SCAI: variants seen among roughly 807,000 people sequenced by gnomAD.
SCAI encodes the protein protein SCAI.
In SCAI, 24 loss-of-function variants were observed where a neutral mutation model predicts 92.2. The observed-to-expected ratio is 0.26, with a 90% CI of 0.19 to 0.37. SCAI has a LOEUF of 0.37. Ranked by LOEUF, SCAI falls within the 10% of genes least tolerant of loss-of-function variation. The pLI is 1.00. For synonymous variants in SCAI, 261 were observed against 258.6 expected (o/e 1.01, Z -0.09); for missense variants, 450 against 736.2 (o/e 0.61, Z 4.50).
intron 14 of SCAI, among the ~76,000 whole-genome samples, chr9:124,984,355 G>A (rs562702365): frequency 6.6e-6 from 1 of 152,276 alleles, no homozygotes; most frequent in East Asian, 1.9e-4. Flanking sequence ...TGAGATGACA[G>A]GCCATTGGTG....
chr9:125,071,170 G>A (rs984901238), intron 2 of SCAI, among the ~76,000 whole-genome samples: 15 of 152,196 alleles, frequency 9.9e-5, no homozygotes, highest in Admixed American at 9.2e-4. Context: ...CCCAGTCTCA[G>A]GTGTGTCTTA....
At chr9:125,019,064 A>T (rs1446497271) in intron 8 of SCAI, 43 bp downstream of exon 8, 2 of 1,525,356 alleles carry the variant, frequency 1.3e-6, no homozygotes, top group African/African-American at 2.8e-5. Context: ...CTACACGGTC[A>T]TTTATTTATC....
intron 2 of SCAI, among the ~76,000 whole-genome samples, chr9:125,100,109 C>T (rs1448573904): frequency 6.6e-6 from 1 of 152,196 alleles, no homozygotes; most frequent in Non-Finnish European, 1.5e-5. Flanking sequence ...TAAGGAACTG[C>T]CATACTTTAA....
chr9:125,012,800 G>A (rs1319197791), intron 9 of SCAI, among the ~76,000 whole-genome samples: 2 of 152,188 alleles, frequency 1.3e-5, no homozygotes, highest in Non-Finnish European at 2.9e-5. Context: ...CTCAGCAAAC[G>A]TAAAAGATCA....
At chr9:125,115,788 G>A (rs1835033463) in intron 2 of SCAI, among the ~76,000 whole-genome samples, 1 of 152,102 alleles carries the variant, frequency 6.6e-6, no homozygotes, top group Non-Finnish European at 1.5e-5. Context: ...AGGGAAGGAG[G>A]CAAATGCCAT....
intron 3 of SCAI, among the ~76,000 whole-genome samples, chr9:125,053,658 A>G (rs1833607561): frequency 6.6e-6 from 1 of 152,182 alleles, no homozygotes. Flanking sequence ...AGGGGTTAGG[A>G]TTTGGAAGAA....
At chr9:125,095,400 T>C (rs755929388) in intron 2 of SCAI, among the ~76,000 whole-genome samples, 5 of 152,232 alleles carry the variant, frequency 3.3e-5, no homozygotes, top group Non-Finnish European at 7.3e-5. Flanking sequence ...TAACCTGTGA[T>C]AGTTAAGACA....
intron 15 of SCAI, among the ~76,000 whole-genome samples, chr9:124,973,984 T>G (rs1831708309): frequency 6.6e-6 from 1 of 152,208 alleles, no homozygotes; most frequent in African/African-American, 2.4e-5. Context: ...AGACATTATC[T>G]CATCCCCTTC....
intron 3 of SCAI, among the ~76,000 whole-genome samples, chr9:125,040,212 C>T (rs1833290547): frequency 6.6e-6 from 1 of 152,028 alleles, no homozygotes; most frequent in Non-Finnish European, 1.5e-5. Flanking sequence ...AATAAATTAG[C>T]CAAGTGTGGT....
At chr9:125,102,335 G>A (rs529750863) in intron 2 of SCAI, among the ~76,000 whole-genome samples, 3 of 152,132 alleles carry the variant, frequency 2.0e-5, no homozygotes, top group Admixed American at 6.5e-5. Context: ...GTTCATTACC[G>A]TTTCCCTACT....
chr9:125,134,501 A>G (rs1421690414), intron 2 of SCAI, among the ~76,000 whole-genome samples: 1 of 152,196 alleles, frequency 6.6e-6, no homozygotes, highest in Non-Finnish European at 1.5e-5. Context: ...CAACAACAAC[A>G]AAAGCCCCCA....
chr9:124,953,878 A>C (rs967113260), intron 17 of SCAI, among the ~76,000 whole-genome samples: 2 of 152,174 alleles, frequency 1.3e-5, no homozygotes, highest in African/African-American at 4.8e-5. Context: ...TACAAAAATA[A>C]ATTTTTTTTT....
intron 14 of SCAI, among the ~76,000 whole-genome samples, chr9:124,994,060 G>C (rs1832188537): frequency 6.9e-6 from 1 of 145,904 alleles, no homozygotes; most frequent in South Asian, 2.1e-4. Context: ...TTGAGACGGA[G>C]TTTTGCTCTT....
At chr9:124,961,599 G>C (rs1831436282) in intron 17 of SCAI, among the ~76,000 whole-genome samples, 1 of 149,068 alleles carries the variant, frequency 6.7e-6, no homozygotes, top group Non-Finnish European at 1.5e-5. Context: ...GCAGTGAGCA[G>C]TGATCACGCC....
chr9:125,063,111 A>C (rs1423766559), intron 2 of SCAI, among the ~76,000 whole-genome samples: 1 of 123,788 alleles, frequency 8.1e-6, no homozygotes, highest in African/African-American at 2.9e-5. Flanking sequence ...CACCCCCCCC[A>C]GAAAAGGGCA....
At chr9:125,088,048 A>G (rs1315527542) in intron 2 of SCAI, among the ~76,000 whole-genome samples, 1 of 152,178 alleles carries the variant, frequency 6.6e-6, no homozygotes, top group Non-Finnish European at 1.5e-5. Flanking sequence ...AAAATGTTTC[A>G]TTTAAAAAGT....
chr9:125,040,586 G>A (rs1042505679), intron 3 of SCAI, among the ~76,000 whole-genome samples: 19 of 151,892 alleles, frequency 1.3e-4, no homozygotes, highest in African/African-American at 4.1e-4. Flanking sequence ...ATATCTTCCT[G>A]ATGAACATTT....
At chr9:125,014,935 G>A (rs926080794) in intron 9 of SCAI, among the ~76,000 whole-genome samples, 1 of 152,122 alleles carries the variant, frequency 6.6e-6, no homozygotes, top group Non-Finnish European at 1.5e-5. Context: ...ATGGGGAAAG[G>A]ATTCCCTATT....
chr9:125,006,922 G>C lies in SCAI; in HGVS notation c.862-3352C>G, dbSNP rs1031576449. ...TCACCTAAGGTCAGGAGTTTGAGAC[G>C]AGCCTGGCCAACATGGTGAAACCCC... On this transcript the variant is annotated intron_variant, in intron 9 of 17. Transcript: ENST00000336505. Among the ~76,000 whole-genome samples the C allele has an allele frequency of 3.9e-5, 6 of 151,948 alleles. No individual in the cohort carries two copies. The East Asian group carries it at 1.2e-3, about 30-fold the overall frequency.
Sources: allele counts gnomAD v4.1 joint callset (sites outside exome capture counted in the v4.1 genomes callset), GRCh38; gene constraint gnomAD v4.1.1; transcripts MANE v1.5; gene names NCBI Gene and HGNC (gene_info 2026-07-23, HGNC 2026-07-21).